Variants in CNNM1 observed in about 807,000 individuals in gnomAD.
The protein encoded by CNNM1 is cyclin and CBS domain divalent metal cation transport mediator 1.
A neutral mutation model predicts 78.8 loss-of-function variants in CNNM1; 44 were observed. That is an observed-to-expected ratio of 0.56 (90% confidence interval 0.44 to 0.72). CNNM1 has a LOEUF of 0.72. CNNM1 is among the 30% of genes least tolerant of loss of function. CNNM1 has a pLI of 0.00. For missense variants in CNNM1, 1,101 were observed against 1,292.2 expected (o/e 0.85, Z 2.27); for synonymous variants, 584 against 581.5 (o/e 1.00, Z -0.06).
chr10:99,389,249 C>G (rs2032397187), intron 9 of CNNM1, among the ~76,000 whole-genome samples: 1 of 151,756 alleles, frequency 6.6e-6, no homozygotes, highest in Non-Finnish European at 1.5e-5. Flanking sequence ...AACCCTGTCT[C>G]TACTAAAAAA....
intron 6 of CNNM1, among the ~76,000 whole-genome samples, chr10:99,375,614 A>G (rs2031939081): frequency 2.0e-5 from 3 of 152,260 alleles, no homozygotes; most frequent in South Asian, 4.1e-4. Context: ...ATGGTTTGCC[A>G]GACAACAGCT....
intron 6 of CNNM1, among the ~76,000 whole-genome samples, chr10:99,371,816 A>G (rs956335219): frequency 6.6e-6 from 1 of 152,060 alleles, no homozygotes; most frequent in Non-Finnish European, 1.5e-5. Context: ...GAATTTTAAT[A>G]ATTCTAGTTG....
At chr10:99,338,471 G>A (rs2030290972) in intron 1 of CNNM1, among the ~76,000 whole-genome samples, 2 of 152,010 alleles carry the variant, frequency 1.3e-5, no homozygotes, top group South Asian at 2.1e-4. Flanking sequence ...TAGAGACGAG[G>A]TTTCACCGTG....
intron 6 of CNNM1, chr10:99,365,211 G>T (rs1370270472): frequency 9.1e-6 from 6 of 656,442 alleles, no homozygotes; most frequent in Non-Finnish European, 1.4e-5. Flanking sequence ...AATGTTTTCT[G>T]CTGCTTCTCT....
chr10:99,364,387 C>T, intron 4 of CNNM1, 30 bp from the exon 5 acceptor site: 2 of 1,534,600 alleles, frequency 1.3e-6, no homozygotes, highest in Non-Finnish European at 1.8e-6. Context: ...CATACACATT[C>T]ATAGTACACT....
intron 2 of CNNM1, among the ~76,000 whole-genome samples, chr10:99,358,109 C>T (rs1264336867): frequency 6.6e-6 from 1 of 152,148 alleles, no homozygotes; most frequent in African/African-American, 2.4e-5. Context: ...ATTGCCTACT[C>T]ACAGCCTAAG....
intron 2 of CNNM1, among the ~76,000 whole-genome samples, chr10:99,359,035 A>AAAAAAAAC (rs2031333028): frequency 7.1e-6 from 1 of 140,850 alleles, no homozygotes; most frequent in African/African-American, 2.8e-5. Context: ...AAAAAAAAAA[A>AAAAAAAAC]AAATCCCAGG....
At chr10:99,354,422 A>G (rs902009158) in intron 1 of CNNM1, among the ~76,000 whole-genome samples, 6 of 152,202 alleles carry the variant, frequency 3.9e-5, no homozygotes, top group African/African-American at 1.4e-4. Context: ...AATATCACCT[A>G]TTGTATAAAT....
At chr10:99,351,689 C>T (rs1191831360) in intron 1 of CNNM1, among the ~76,000 whole-genome samples, 1 of 152,124 alleles carries the variant, frequency 6.6e-6, no homozygotes, top group Non-Finnish European at 1.5e-5. Flanking sequence ...ACTCATAATA[C>T]GGTGCCTTCT....
At chr10:99,340,128 G>A (rs2030376400) in intron 1 of CNNM1, among the ~76,000 whole-genome samples, 2 of 152,352 alleles carry the variant, frequency 1.3e-5, no homozygotes, top group African/African-American at 2.4e-5. Context: ...AAATGAAAAA[G>A]TGAGAATAAT....
At position 99,329,447 on chromosome 10, in the gene CNNM1, C is replaced by T. The variant is rs1850543921; in HGVS notation, c.60C>T (p.Ser20=). The change falls in exon 1 of 11, where the codon AGC becomes AGT. Residue 20 remains serine, a synonymous_variant. Coordinates refer to ENST00000356713, the MANE Select transcript of CNNM1 (RefSeq NM_020348.3). Reference sequence around the variant, plus strand: ...GTGTCAGGCTCCGGGACTGCTGCAGCCGAGGCGCTGTGCTCCTGCTCTTCT... The same window carrying T: ...GTGTCAGGCTCCGGGACTGCTGCAGTCGAGGCGCTGTGCTCCTGCTCTTCT... The part of the protein sequence containing the change: ...AVGVRLRDCC[S]RGAVLLLFFS... 1 of 1,327,808 alleles carries T rather than the reference C, an allele frequency of 7.5e-7. No individual in the cohort carries two copies. The highest frequency in any genetic ancestry group is 2.9e-5 in the East Asian group (1 of 34,776). 82.3% of individuals were successfully genotyped at this position (1,327,808 alleles called of 1,614,324 possible).
chr10:99,377,002 C>T, intron 6 of CNNM1, 53 bp from the exon 7 acceptor site: 7 of 757,464 alleles, frequency 9.2e-6, no homozygotes, highest in Non-Finnish European at 1.3e-5. Context: ...CCTCCCCCTT[C>T]TTCCTCCCCA....
In CNNM1 at chr10:99,391,582, C is replaced by T; in HGVS notation, c.*66C>T. The T allele has an allele frequency of 1.5e-6, 2 of 1,370,646 alleles. No homozygotes were observed. The highest frequency in any genetic ancestry group is 2.3e-5 in the East Asian group (1 of 43,274). 84.9% of individuals were successfully genotyped at this position (1,370,646 alleles called of 1,614,324 possible). On this transcript the variant is annotated 3_prime_UTR_variant, in exon 11 of 11. Coordinates refer to ENST00000356713, the MANE Select transcript of CNNM1 (RefSeq NM_020348.3). ...AGCTTTGGGGGAGAATCCACCCTCC[C>T]ATCATCTGCTTCCCCCAAGGCCTCC...
chr10:99,356,551 AGAC>A (rs1564947042), intron 1 of CNNM1, among the ~76,000 whole-genome samples: 30 of 91,720 alleles, frequency 3.3e-4, no homozygotes, highest in African/African-American at 1.1e-3. Flanking sequence ...ACAGACAGAC[AGAC>A]AGACAGACAG....
Position 99,362,337 on chromosome 10 carries a change from C to T in CNNM1, c.1969C>T (p.Pro657Ser). 1 of 1,613,966 alleles carries T rather than the reference C, an allele frequency of 6.2e-7. No homozygotes were observed. The highest frequency in any genetic ancestry group is 8.5e-7 in the Non-Finnish European group (1 of 1,179,868). Residue 657 changes from proline (P) to serine (S), a missense_variant, in exon 4 of 11, where the codon CCG becomes TCG. By Grantham distance (74) the Pro-to-Ser change is moderately conservative. Transcript: ENST00000356713. ...LKFDEKNKKA[P>S]EHYLYQRNRP... ...GTTTGATGAGAAGAACAAGAAGGCCCCGGAACACTACCTCTACCAGCGCAA... is the reference window on the plus strand; with the variant it reads ...GTTTGATGAGAAGAACAAGAAGGCCTCGGAACACTACCTCTACCAGCGCAA...
At chr10:99,358,754 T>G (rs1247893070) in intron 2 of CNNM1, among the ~76,000 whole-genome samples, 1 of 151,908 alleles carries the variant, frequency 6.6e-6, no homozygotes, top group African/African-American at 2.4e-5. Flanking sequence ...AAATGTCCTC[T>G]CCCTCCCCCA....
rs753733886 is a variant in CNNM1, at chr10:99,390,289, C to T, written c.2675-17C>T. ...TGTAGGTTGAGACAACTTGAGTTCT[C>T]TCCTTTCCTTTCTCAGCATCAGATA... On this transcript the variant is annotated splice_polypyrimidine_tract_variant and intron_variant, in intron 9 of 10. Coordinates refer to ENST00000356713, the MANE Select transcript of CNNM1 (RefSeq NM_020348.3). The T allele has an allele frequency of 6.3e-6, 10 of 1,592,502 alleles. No homozygotes were observed. The highest frequency in any genetic ancestry group is 8.6e-6 in the Non-Finnish European group (10 of 1,164,944).
intron 1 of CNNM1, among the ~76,000 whole-genome samples, chr10:99,352,040 A>G (rs1488005499): frequency 6.6e-6 from 1 of 152,164 alleles, no homozygotes; most frequent in South Asian, 2.1e-4. Flanking sequence ...GCATTTTTGT[A>G]TATTCAGAGT....
Position 99,388,224 on chromosome 10 carries a change from A to G in CNNM1, c.2597A>G (p.Gln866Arg). The change falls in exon 9 of 11, where the codon CAG (glutamine) becomes CGG (arginine). Residue 866 changes from glutamine to arginine, a missense_variant. By Grantham distance (43) the Gln-to-Arg change is conservative. Coordinates refer to ENST00000356713, the MANE Select transcript of CNNM1 (RefSeq NM_020348.3). ...YLRMEELAFT[Q>R]EEMTDFEEHS... ...AGGATGGAGGAGCTGGCCTTCACCCAGGAAGAAATGACTGACTTCGAGGAG... is the reference window on the plus strand; with the variant it reads ...AGGATGGAGGAGCTGGCCTTCACCCGGGAAGAAATGACTGACTTCGAGGAG... The G allele has an allele frequency of 4.3e-6, 7 of 1,614,014 alleles. No individual in the cohort carries two copies. The highest frequency in any genetic ancestry group is 1.1e-5 in the South Asian group (1 of 91,090).
Sources: gnomAD v4.1 joint callset for allele counts (sites outside exome capture counted in the v4.1 genomes callset) on GRCh38, gnomAD v4.1.1 for gene constraint, MANE v1.5 for transcripts, NCBI Gene and HGNC (gene_info 2026-07-23, HGNC 2026-07-21) for gene names.